CEP152: variants seen among roughly 807,000 people sequenced by gnomAD.
CEP152 encodes the protein centrosomal protein of 152 kDa.
A neutral mutation model predicts 188.9 loss-of-function variants in CEP152; 132 were observed. That is an observed-to-expected ratio of 0.70 (90% CI 0.61 to 0.81). CEP152 has a LOEUF of 0.81. Among genes scored for constraint, CEP152 ranks in the 30% least tolerant of loss-of-function variants. CEP152 has a pLI of 0.00. For synonymous variants in CEP152, 649 were observed against 666.6 expected, an observed-to-expected ratio of 0.97 and a Z score of 0.41; for missense variants, 1,914 against 1,969.8, an observed-to-expected ratio of 0.97 and a Z score of 0.54.
At chr15:48,770,154 C>A (rs1042014252) in intron 13 of CEP152, among the ~76,000 whole-genome samples, 6 of 152,086 alleles carry the variant, frequency 3.9e-5, no homozygotes, top group Non-Finnish European at 8.8e-5. Context: ...AAAAATATAT[C>A]TACTCCGTTT....
intron 20 of CEP152, among the ~76,000 whole-genome samples, chr15:48,754,779 G>A (rs531334444): frequency 6.6e-6 from 1 of 152,298 alleles, no homozygotes; most frequent in East Asian, 1.9e-4. Context: ...CAAGGAATTA[G>A]GCCGGGGATT....
At position 48,797,467 on chromosome 15, in the gene CEP152, C is replaced by T. The variant is rs760345109; in HGVS notation, c.374G>A (p.Gly125Glu). The T allele has an allele frequency of 6.2e-7, 1 of 1,614,084 alleles. No homozygotes were observed. The highest frequency in any genetic ancestry group is 8.5e-7 in the Non-Finnish European group (1 of 1,179,988). ...ACTATAACCACTTCCACCTTCATCT[C>T]CACCTTCTTCAGGATGGTACACAGG... ...RHPVYHPEEG[G>E]DEGGSGYSPP... Residue 125 changes from glycine to glutamate, a missense_variant, in exon 5 of 27, where the codon GGA becomes GAA. By Grantham distance (98) the Gly-to-Glu change is moderately conservative. Transcript: ENST00000380950.
At chr15:48,783,604 T>C (rs1345467774) in intron 10 of CEP152, among the ~76,000 whole-genome samples, 2 of 152,114 alleles carry the variant, frequency 1.3e-5, no homozygotes, top group African/African-American at 4.8e-5. Flanking sequence ...ACATTGTCTA[T>C]GTGTGTACAT....
downstream of CEP152, among the ~76,000 whole-genome samples, chr15:48,736,987 G>A (rs1892636859): frequency 6.6e-6 from 1 of 152,188 alleles, no homozygotes; most frequent in African/African-American, 2.4e-5. Flanking sequence ...GTATCTTCAG[G>A]AATACAAGTG....
chr15:48,796,515 A>G (rs1897307419), intron 5 of CEP152, among the ~76,000 whole-genome samples: 1 of 152,208 alleles, frequency 6.6e-6, no homozygotes, highest in Non-Finnish European at 1.5e-5. Flanking sequence ...GATTATGCCA[A>G]CATCTTGGGA....
In CEP152 at chr15:48,739,118, G is replaced by T; in HGVS notation, c.4264C>A (p.Leu1422Met). 1 of 1,614,202 alleles carries T rather than the reference G, an allele frequency of 6.2e-7. No individual in the cohort carries two copies. The highest frequency in any genetic ancestry group is 8.5e-7 in the Non-Finnish European group (1 of 1,180,022). Residue 1422 changes from leucine to methionine, a missense_variant, in exon 27 of 27, where the codon CTG becomes ATG. Physicochemically the swap from Leu to Met is conservative, Grantham distance 15 (BLOSUM62 2). Coordinates refer to ENST00000380950, the MANE Select transcript of CEP152 (RefSeq NM_001194998.2). ...KRRAACNLQR[L>M]LENSEHQSIK... ...CTCTGATGCTCTGAGTTCTCTAACA[G>T]CCTTTGTAAGTTACAAGCTGCCCTC...
chr15:48,741,088 C>T (rs4309348), intron 26 of CEP152: 39,128 of 992,338 alleles, frequency 0.039, 817 homozygotes, highest in Middle Eastern at 0.055. Flanking sequence ...TGTCTTCTTT[C>T]TCTCAGGGAT....
rs909127803 is a variant in CEP152 at position 48,738,126 on chromosome 15, T to C, written c.*123A>G. On this transcript the variant is annotated 3_prime_UTR_variant, in exon 27 of 27. Coordinates refer to ENST00000380950, the MANE Select transcript of CEP152 (RefSeq NM_001194998.2). ...AAGCAATTTTAGAAGAATGCTTTAC[T>C]TATATAACAGATGTTATTAAAACAT... 7 of 1,020,580 alleles carry C rather than the reference T, an allele frequency of 6.9e-6. No individual in the cohort carries two copies. Among genetic ancestry groups the C allele is most frequent in the Non-Finnish European group, 6.9e-6 (5 of 719,452 alleles). The allele number at this position is 1,020,580 out of a possible 1,614,324, so 63.2% of individuals were successfully genotyped here.
intron 22 of CEP152, among the ~76,000 whole-genome samples, chr15:48,747,767 A>G (rs1177236394): frequency 6.6e-6 from 1 of 152,204 alleles, no homozygotes; most frequent in Non-Finnish European, 1.5e-5. Context: ...AGGTAAGAAG[A>G]GGGAGCAGCG....
At position 48,744,185 on chromosome 15, in the gene CEP152, C is replaced by G. The variant is rs1240262934; in HGVS notation, c.3835+55G>C. 10 of 1,600,676 alleles carry G rather than the reference C, an allele frequency of 6.2e-6. No individual in the cohort carries two copies. In the East Asian group the frequency reaches 2.3e-4, roughly 36 times the overall value. Reference sequence around the variant, plus strand: ...CTGGTAAACTCTGAGTTTACTTTAACAGTGATAATAAAAAAGGCCCAAGCC... The same window carrying G: ...CTGGTAAACTCTGAGTTTACTTTAAGAGTGATAATAAAAAAGGCCCAAGCC... On this transcript the variant is annotated intron_variant, in intron 24 of 26. Coordinates refer to ENST00000380950, the MANE Select transcript of CEP152 (RefSeq NM_001194998.2).
chr15:48,791,328 AAG>A lies in CEP152; in HGVS notation c.879_880del (p.Phe294SerfsTer11). ...TATCTCTCTTTCTTTTCCATTCTGA[AAG>A]AGTTTCTGTGATTCTCGAAGGCTGA... On this transcript the variant is annotated frameshift_variant, in exon 8 of 27. Coordinates refer to ENST00000380950, the MANE Select transcript of CEP152 (RefSeq NM_001194998.2). LOFTEE classifies it high-confidence loss of function. The A allele has an allele frequency of 6.2e-7, 1 of 1,612,868 alleles. No individual in the cohort carries two copies. The highest frequency in any genetic ancestry group is 8.5e-7 in the Non-Finnish European group (1 of 1,179,686).
intron 15 of CEP152, among the ~76,000 whole-genome samples, chr15:48,767,803 A>C (rs1895233168): frequency 6.6e-6 from 1 of 152,184 alleles, no homozygotes; most frequent in South Asian, 2.1e-4. Flanking sequence ...ATTTCAAGTC[A>C]TCTATATTAA....
At position 48,739,461 on chromosome 15, in the gene CEP152, G is replaced by C. The variant is rs145744560; in HGVS notation, c.4094-173C>G. 5.9e-4 allele frequency among the ~76,000 whole-genome samples: 90 copies of C among 152,130 alleles called. 1 individual carries two copies. Among genetic ancestry groups the C allele is most frequent in the African/African-American group, 2.1e-3 (87 of 41,504 alleles). ...TAATTCTTAAAGAAAATACATCAAT[G>C]CTGGACATTTAAAAATATTCTTTTA... is the stretch of plus-strand genomic sequence containing the variant. On this transcript the variant is annotated intron_variant, in intron 26 of 26. Transcript: ENST00000380950.
At chr15:48,802,458 T>C (rs563070003) in intron 2 of CEP152, among the ~76,000 whole-genome samples, 2 of 152,332 alleles carry the variant, frequency 1.3e-5, no homozygotes, top group African/African-American at 4.8e-5. Context: ...CTGTCGACTA[T>C]TTTTAAGAGA....
chr15:48,797,420 T>A lies in CEP152; in HGVS notation c.421A>T (p.Thr141Ser). 1 of 1,614,176 alleles carries A rather than the reference T, an allele frequency of 6.2e-7. No homozygotes were observed. Among genetic ancestry groups the A allele is most frequent in the Non-Finnish European group, 8.5e-7 (1 of 1,180,010 alleles). The stretch of plus-strand genomic sequence containing the variant: ...TTTTCAGGAAGGTGATATAAATCAG[T>A]CTGTTCACATTTACTTGGAGGACTA... ...GYSPPSKCEQ[T>S]DLYHLPENFR... is the part of the protein sequence containing the mutation. Residue 141 changes from threonine to serine, a missense_variant, in exon 5 of 27, where the codon ACT becomes TCT. Physicochemically the swap from Thr to Ser is moderately conservative, Grantham distance 58. Transcript: ENST00000380950.
At chr15:48,808,607 A>G (rs1472816704) in intron 1 of CEP152, among the ~76,000 whole-genome samples, 1 of 152,164 alleles carries the variant, frequency 6.6e-6, no homozygotes, top group Non-Finnish European at 1.5e-5. Flanking sequence ...CATTTAAACA[A>G]TATGCCATTT....
downstream of CEP152, among the ~76,000 whole-genome samples, chr15:48,733,050 C>T (rs899684183): frequency 2.6e-5 from 4 of 152,248 alleles, no homozygotes; most frequent in East Asian, 3.9e-4. Flanking sequence ...CACCACTGTA[C>T]TCCAGCCTGG....
chr15:48,797,255 G>T, intron 5 of CEP152, 46 bp downstream of exon 5: 7 of 1,589,064 alleles, frequency 4.4e-6, no homozygotes, highest in Non-Finnish European at 5.2e-6. Flanking sequence ...TCACGCAAAT[G>T]CGTGTGCACA....
rs144017826 is a variant in CEP152, at chr15:48,758,773, T to C, written c.2694+1362A>G. ...CAGGACACCCTCCAGACCTACTATA[T>C]CATTATCTCTAGGAGGAAAGCCCAG... On this transcript the variant is annotated intron_variant, in intron 19 of 26. Transcript: ENST00000380950. 6.3e-3 allele frequency among the ~76,000 whole-genome samples: 922 copies of C among 146,340 alleles called. 10 individuals are homozygous for C. The highest frequency in any genetic ancestry group is 0.023 in the African/African-American group (888 of 39,316).
Sources: allele counts gnomAD v4.1 joint callset (sites outside exome capture counted in the v4.1 genomes callset), GRCh38; gene constraint gnomAD v4.1.1; transcripts MANE v1.5; gene names NCBI Gene and HGNC (gene_info 2026-07-23, HGNC 2026-07-21).